EGF: variants seen among roughly 807,000 people sequenced by gnomAD.
EGF encodes the protein epidermal growth factor, also known as pro-epidermal growth factor.
A neutral mutation model predicts 143.8 loss-of-function variants in EGF; 95 were observed. The observed-to-expected ratio is 0.66, with a 90% CI of 0.56 to 0.78. The LOEUF is 0.78. Among genes scored for constraint, EGF ranks in the 30% least tolerant of loss-of-function variants. EGF has a pLI of 0.00. For synonymous variants in EGF, 510 were observed against 510.5 expected (o/e 1.00, Z 0.01); for missense variants, 1,320 against 1,470.9 (o/e 0.90, Z 1.68).
In EGF at chr4:110,011,227, G is replaced by A. The variant is rs1230528773; in HGVS notation, c.3396G>A (p.Arg1132=). 1.2e-6 allele frequency: 2 copies of A among 1,613,492 alleles called. No homozygotes were observed. The highest frequency in any genetic ancestry group is 3.3e-5 in the Admixed American group (2 of 60,004). Residue 1132 remains arginine, a synonymous_variant, in exon 24 of 24, where the codon AGG becomes AGA. Coordinates refer to ENST00000265171, the MANE Select transcript of EGF (RefSeq NM_001963.6). ...ADGSMQPTSW[R]QEPQLCGMGT... ...GGTCAATGCAACCAACTTCATGGAG[G>A]CAGGAGCCCCAGTTATGTGGAATGG...
chr4:109,925,541 TA>T (rs754414729), intron 1 of EGF, among the ~76,000 whole-genome samples: 2 of 152,186 alleles, frequency 1.3e-5, no homozygotes, highest in Admixed American at 6.5e-5. Context: ...ACGGAGAGGT[TA>T]AGTCATGTGC....
At chr4:109,997,442 G>A (rs1337266055) in intron 20 of EGF, among the ~76,000 whole-genome samples, 1 of 152,062 alleles carries the variant, frequency 6.6e-6, no homozygotes, top group Non-Finnish European at 1.5e-5. Flanking sequence ...AACATGGTGA[G>A]ACTCCATCTC....
chr4:109,924,351 T>C (rs1738285886), intron 1 of EGF, among the ~76,000 whole-genome samples: 1 of 151,750 alleles, frequency 6.6e-6, no homozygotes, highest in Non-Finnish European at 1.5e-5. Flanking sequence ...ATTAATAGTT[T>C]TAAGTCGGTT....
At chr4:109,932,912 T>G (rs980122461) in intron 1 of EGF, among the ~76,000 whole-genome samples, 2 of 152,126 alleles carry the variant, frequency 1.3e-5, no homozygotes, top group Non-Finnish European at 2.9e-5. Flanking sequence ...TTTTTCTCCA[T>G]GATGAATTGC....
Position 109,918,302 on chromosome 4 carries a change from C to T in EGF, c.127+4840C>T, listed in dbSNP as rs114170715. On this transcript the variant is annotated intron_variant, in intron 1 of 23. Transcript: ENST00000265171. ...TCAAGTAAAGGTGGGTTATTCATAG[C>T]GAATGACTTTTCTCAGAGTGTGTAA... Among the ~76,000 whole-genome samples the T allele has an allele frequency of 2.0e-3, 294 of 148,260 alleles. 2 individuals carry two copies. The highest frequency in any genetic ancestry group is 7.0e-3 in the Middle Eastern group (2 of 286).
At chr4:109,923,240 C>T (rs1488377480) in intron 1 of EGF, among the ~76,000 whole-genome samples, 2 of 151,370 alleles carry the variant, frequency 1.3e-5, no homozygotes, top group African/African-American at 4.9e-5. Context: ...AACTTAATGA[C>T]CAGTGTAGGA....
chr4:109,983,651 G>A, intron 16 of EGF, 110 bp downstream of exon 16: 2 of 1,492,102 alleles, frequency 1.3e-6, no homozygotes, highest in East Asian at 4.6e-5. Context: ...TTCTACACAA[G>A]GCTAATGAAA....
At position 110,011,197 on chromosome 4, in the gene EGF, T is replaced by C. The variant is rs757489647; in HGVS notation, c.3371-5T>C. ...ATATTGAAATTTCTTTTGTCTTTCATATAGGGTCAATGCAACCAACTTCAT... is the reference window on the plus strand; with the variant it reads ...ATATTGAAATTTCTTTTGTCTTTCACATAGGGTCAATGCAACCAACTTCAT... On this transcript the variant is annotated splice_region_variant and splice_polypyrimidine_tract_variant and intron_variant, in intron 23 of 23. Coordinates refer to ENST00000265171, the MANE Select transcript of EGF (RefSeq NM_001963.6). 3 of 1,613,912 alleles carry C rather than the reference T, an allele frequency of 1.9e-6. No homozygotes were observed. Among genetic ancestry groups the C allele is most frequent in the East Asian group, 4.5e-5 (2 of 44,880 alleles).
intron 22 of EGF, among the ~76,000 whole-genome samples, chr4:110,006,090 C>T (rs888443287): frequency 2.0e-5 from 3 of 152,214 alleles, no homozygotes; most frequent in Middle Eastern, 3.4e-3. Context: ...CCTGTAATCC[C>T]CATGCTTTGG....
intron 1 of EGF, among the ~76,000 whole-genome samples, chr4:109,920,064 T>C (rs1230333096): frequency 6.6e-6 from 1 of 151,642 alleles, no homozygotes; most frequent in South Asian, 2.1e-4. Flanking sequence ...CAAATTCATA[T>C]AGATGAATTT....
chr4:110,011,561 A>G lies in EGF; in HGVS notation c.*106A>G. 6.5e-7 allele frequency: 1 copy of G among 1,541,688 alleles called. No individual in the cohort carries two copies. Among genetic ancestry groups the G allele is most frequent in the Non-Finnish European group, 8.9e-7 (1 of 1,127,772 alleles). On this transcript the variant is annotated 3_prime_UTR_variant, in exon 24 of 24. Coordinates refer to ENST00000265171, the MANE Select transcript of EGF (RefSeq NM_001963.6). ...TATAGGTTTTGGTTCCACAATCTCT[A>G]CGACTAATCACCTACTCAATGCCTG...
rs761722528 is a variant in EGF, at chr4:110,011,372, A to G, written c.3541A>G (p.Lys1181Glu). 3 of 1,614,146 alleles carry G rather than the reference A, an allele frequency of 1.9e-6. No homozygotes were observed. The highest frequency in any genetic ancestry group is 1.3e-5 in the African/African-American group (1 of 75,024). The part of the protein sequence containing the change: ...GTQTLEGGVE[K>E]PHSLLSANPL... ...ACAGACCCTTGAAGGGGGTGTCGAG[A>G]AGCCCCATTCTCTCCTATCAGCTAA... The change falls in exon 24 of 24, where the codon AAG (lysine) becomes GAG (glutamate). Residue 1181 changes from lysine to glutamate, a missense_variant. Physicochemically the swap from Lys to Glu is moderately conservative, Grantham distance 56. Transcript: ENST00000265171.
chr4:109,950,956 G>T (rs1743790822), intron 5 of EGF, among the ~76,000 whole-genome samples: 1 of 152,004 alleles, frequency 6.6e-6, no homozygotes, highest in South Asian at 2.1e-4. Flanking sequence ...AGAGGACAGA[G>T]AATACAACTT....
chr4:109,997,483 A>G (rs1203323784), intron 20 of EGF, among the ~76,000 whole-genome samples: 1 of 150,404 alleles, frequency 6.6e-6, no homozygotes, highest in East Asian at 2.0e-4. Flanking sequence ...TTTTTTTGTG[A>G]TGGAGTCTCG....
In EGF at chr4:109,983,477, T is replaced by C; in HGVS notation, c.2427T>C (p.Thr809=). Residue 809 remains threonine, a synonymous_variant, in exon 16 of 24, where the codon ACT becomes ACC. Coordinates refer to ENST00000265171, the MANE Select transcript of EGF (RefSeq NM_001963.6). ...QVTPLDILSK[T]RVSEDNITES... ...CACCATTGGACATCTTGTCCAAGAC[T>C]AGAGTGTCAGAAGATAACATTACAG... 2 of 1,613,842 alleles carry C rather than the reference T, an allele frequency of 1.2e-6. No homozygotes were observed. The highest frequency in any genetic ancestry group is 1.7e-6 in the Non-Finnish European group (2 of 1,179,844).
Position 109,941,144 on chromosome 4 carries a change from A to T in EGF, c.326A>T (p.Glu109Val), listed in dbSNP as rs1409908890. The T allele has an allele frequency of 6.2e-7, 1 of 1,613,802 alleles. No individual in the cohort carries two copies. The change falls in exon 2 of 24, where the codon GAG becomes GTG. Residue 109 changes from glutamate to valine, a missense_variant and splice_region_variant. Glu to Val is a moderately radical substitution (Grantham distance 121). Transcript: ENST00000265171. ...GTTTTTCTGAATGGGTCAAGGCAAGAGGTAAAATACCCTTACCTACAGTGT... is the reference window on the plus strand; with the variant it reads ...GTTTTTCTGAATGGGTCAAGGCAAGTGGTAAAATACCCTTACCTACAGTGT... ...QRVFLNGSRQ[E>V]RVCNIEKNVS...
intron 13 of EGF, among the ~76,000 whole-genome samples, chr4:109,979,682 T>C (rs571945861): frequency 6.6e-6 from 1 of 152,306 alleles, no homozygotes; most frequent in East Asian, 1.9e-4. Context: ...TTCTCCTTCA[T>C]GGGGCTAGGA....
chr4:109,976,513 T>C (rs1748528418), intron 13 of EGF, among the ~76,000 whole-genome samples: 2 of 152,220 alleles, frequency 1.3e-5, no homozygotes, highest in South Asian at 4.1e-4. Context: ...AAGAACTTGG[T>C]TCAGCTGTTT....
chr4:110,002,770 G>A (rs1752737010), intron 21 of EGF, among the ~76,000 whole-genome samples: 1 of 151,876 alleles, frequency 6.6e-6, no homozygotes, highest in African/African-American at 2.4e-5. Flanking sequence ...CAGGTATTAA[G>A]CCCAGTACCC....
Sources: gnomAD v4.1 joint callset for allele counts (sites outside exome capture counted in the v4.1 genomes callset) on GRCh38, gnomAD v4.1.1 for gene constraint, MANE v1.5 for transcripts, NCBI Gene and HGNC (gene_info 2026-07-23, HGNC 2026-07-21) for gene names.